The following COL11A2 variants were observed in gnomAD, a reference collection of about 807,000 sequenced individuals.
COL11A2 encodes collagen alpha-2(XI) chain.
COL11A2 carries 116 observed loss-of-function variants against 273.4 expected under a neutral mutation model. The ratio of observed to expected loss-of-function variants is 0.42; its 90% confidence interval spans 0.36 to 0.49. The LOEUF (loss-of-function observed/expected upper bound fraction) is 0.49, where lower values mean the gene tolerates loss of function less well. Ranked by LOEUF, COL11A2 falls within the 20% of genes least tolerant of loss-of-function variation. The pLI is 0.00. For synonymous variants in COL11A2, 782 were observed against 864.2 expected (o/e 0.90, Z 1.67); for missense variants, 1,866 against 2,309.0 (o/e 0.81, Z 3.93).
Position 33,169,846 on chromosome 6 carries a change from G to T in COL11A2, c.3675C>A (p.Gly1225=), listed in dbSNP as rs771644818. ...PGESGSPGIQ[G]EPGVKGPRGE... ...TGTCACTCACCTTGACACCTGGCTC[G>T]CCCTGGATCCCTGGAGATCCTGACT... The change falls in exon 50 of 66, where the codon GGC becomes GGA. Residue 1225 remains glycine, a synonymous_variant. Transcript: ENST00000341947. This position sits in a 1 kb window ranked among gnomAD's most constrained non-coding sequence, Gnocchi z 5.5. The T allele has an allele frequency of 3.7e-6, 6 of 1,613,954 alleles. No homozygotes were observed. The highest frequency in any genetic ancestry group is 5.1e-6 in the Non-Finnish European group (6 of 1,179,996).
chr6:33,172,691 C>G, intron 38 of COL11A2, 54 bp from the exon 39 acceptor site: 1 of 1,479,752 alleles, frequency 6.8e-7, no homozygotes, highest in Non-Finnish European at 9.4e-7. Context: ...TCGCTGTCTG[C>G]CAGAAGAGCC....
At position 33,176,294 on chromosome 6, in the gene COL11A2, C is replaced by T. The variant is rs768569721; in HGVS notation, c.2179G>A (p.Gly727Arg). 4 of 1,606,666 alleles carry T rather than the reference C, an allele frequency of 2.5e-6. No homozygotes were observed. Among genetic ancestry groups the T allele is most frequent in the Admixed American group, 3.4e-5 (2 of 58,966 alleles). Residue 727 changes from glycine (G) to arginine (R), a missense_variant, in exon 28 of 66, where the codon GGA becomes AGA. Gly to Arg is a moderately radical substitution (Grantham distance 125, BLOSUM62 -2). Coordinates refer to ENST00000341947, the MANE Select transcript of COL11A2 (RefSeq NM_080680.3). The surrounding 1 kb of genome is among the most constrained non-coding windows in gnomAD (Gnocchi z 4.9). Reference protein sequence around the residue: ...PGPRGVKGVDGIRGLKGHKGE... With the variant: ...PGPRGVKGVDRIRGLKGHKGE... ...TTATGACCCTTCAGACCCCGAATTC[C>T]GTCCACACCCTAGAATTAGAGAGGG...
chr6:33,191,030 T>C (rs115904806), intron 1 of COL11A2, among the ~76,000 whole-genome samples: 1 of 152,070 alleles, frequency 6.6e-6, no homozygotes, highest in Non-Finnish European at 1.5e-5. Context: ...TCTCTAACCT[T>C]AGGAATTCTA....
Position 33,167,001 on chromosome 6 carries a change from G to C in COL11A2, c.4230+69C>G, listed in dbSNP as rs1335756972. The C allele has an allele frequency of 1.1e-5, 18 of 1,600,308 alleles. No homozygotes were observed. Among genetic ancestry groups the C allele is most frequent in the Non-Finnish European group, 1.5e-5 (18 of 1,170,164 alleles). On this transcript the variant is annotated intron_variant, in intron 58 of 65. Transcript: ENST00000341947. This position sits in a 1 kb window ranked among gnomAD's most constrained non-coding sequence, Gnocchi z 6.1. The stretch of plus-strand genomic sequence containing the variant: ...GCCTGAAGCAGAGCAGTGGGCACTT[G>C]GGTCCCACAGGTTTCAGGGGCGAGG...
At chr6:33,175,217 G>A (rs1038178160) in intron 30 of COL11A2, among the ~76,000 whole-genome samples, 1 of 152,180 alleles carries the variant, frequency 6.6e-6, no homozygotes, top group Non-Finnish European at 1.5e-5. Flanking sequence ...CTGGCACAGG[G>A]CAAGTGCTGG....
At chr6:33,185,409 G>T (rs1040358634) in intron 6 of COL11A2, among the ~76,000 whole-genome samples, 1 of 152,052 alleles carries the variant, frequency 6.6e-6, no homozygotes, top group Admixed American at 6.5e-5. Flanking sequence ...GTTGGAGAGG[G>T]CCTCCGGCCT....
chr6:33,174,118 A>T, intron 32 of COL11A2, 47 bp downstream of exon 32: 2 of 1,608,160 alleles, frequency 1.2e-6, no homozygotes, highest in Non-Finnish European at 1.7e-6. Flanking sequence ...CCCCCTCTAC[A>T]CCTCTCCAGC....
At position 33,178,135 on chromosome 6, in the gene COL11A2, G is replaced by C. The variant is rs1771179784; in HGVS notation, c.1869C>G (p.Pro623=). The change falls in exon 21 of 66, where the codon CCC becomes CCG. Residue 623 remains proline, a synonymous_variant. Coordinates refer to ENST00000341947, the MANE Select transcript of COL11A2 (RefSeq NM_080680.3). This position sits in a 1 kb window ranked among gnomAD's most constrained non-coding sequence, Gnocchi z 4.6. The part of the protein sequence containing the change: ...GPKGPPGIPG[P]PGVRGMDGPQ... ...CAGAAGTCAGGGAGTCACTTACAGG[G>C]GGTCCAGGAATACCAGGTGGGCCTT... 3.1e-6 allele frequency: 5 copies of C among 1,609,056 alleles called. No individual in the cohort carries two copies. Among genetic ancestry groups the C allele is most frequent in the Non-Finnish European group, 3.4e-6 (4 of 1,177,526 alleles).
Position 33,192,362 on chromosome 6 carries a change from T to A in COL11A2, c.-122A>T, listed in dbSNP as rs1040744486. ...CTCAGACGCCGGGGTCCCAGGGAGG[T>A]CAGAGGCTGCGGGCAGCGACAGCTG... On this transcript the variant is annotated 5_prime_UTR_variant, in exon 1 of 66. Transcript: ENST00000341947. 3.0e-6 allele frequency: 3 copies of A among 996,162 alleles called. No individual in the cohort carries two copies. Among genetic ancestry groups the A allele is most frequent in the Non-Finnish European group, 4.6e-6 (3 of 656,040 alleles). 61.7% of individuals were successfully genotyped at this position (996,162 alleles called of 1,614,324 possible).
chr6:33,175,921 T>C (rs1770829997), intron 29 of COL11A2, 95 bp downstream of exon 29: 2 of 1,454,660 alleles, frequency 1.4e-6, no homozygotes, highest in South Asian at 2.3e-5. Flanking sequence ...AACTGTGGAG[T>C]CTGGAGACTC....
Position 33,189,618 on chromosome 6 carries a change from C to G in COL11A2, c.83-149G>C. On this transcript the variant is annotated intron_variant, in intron 1 of 65. Coordinates refer to ENST00000341947, the MANE Select transcript of COL11A2 (RefSeq NM_080680.3). This position sits in a 1 kb window ranked among gnomAD's most constrained non-coding sequence, Gnocchi z 5.6. ...ACCCTCACTTGCTTCTGAACAGTAC[C>G]TGAATGGATGGGAAATGCAAAGGTA... 1.9e-6 allele frequency: 2 copies of G among 1,049,782 alleles called. No homozygotes were observed. Among genetic ancestry groups the G allele is most frequent in the Non-Finnish European group, 2.8e-6 (2 of 724,538 alleles). 65.0% of individuals were successfully genotyped at this position (1,049,782 alleles called of 1,614,324 possible). A position where few individuals can be genotyped will look rare whatever the true frequency, so the allele number is the denominator to read the frequency against.
chr6:33,171,584 A>C lies in COL11A2; in HGVS notation c.3151-10T>G. 6.2e-7 allele frequency: 1 copy of C among 1,612,578 alleles called. No individual in the cohort carries two copies. The highest frequency in any genetic ancestry group is 1.6e-4 in the Middle Eastern group (1 of 6,062). On this transcript the variant is annotated splice_polypyrimidine_tract_variant and intron_variant, in intron 42 of 65. Coordinates refer to ENST00000341947, the MANE Select transcript of COL11A2 (RefSeq NM_080680.3). ...TGGGGCCCTTCTCACCCTGTGGGAC[A>C]GGAGGAAGGAGTCATGGCCTGGAGG...
In COL11A2 at chr6:33,189,935, T is replaced by C. The variant is rs890454822; in HGVS notation, c.83-466A>G. On this transcript the variant is annotated intron_variant, in intron 1 of 65. Coordinates refer to ENST00000341947, the MANE Select transcript of COL11A2 (RefSeq NM_080680.3). The surrounding 1 kb of genome is among the most constrained non-coding windows in gnomAD (Gnocchi z 5.6). Reference sequence around the variant, plus strand: ...CTCCCTCGCTCTCACTCTCTTTCCATATCTCTCACTCTCTGGGTCTCTGGC... The same window carrying C: ...CTCCCTCGCTCTCACTCTCTTTCCACATCTCTCACTCTCTGGGTCTCTGGC... Among the ~76,000 whole-genome samples the C allele has an allele frequency of 6.6e-6, 1 of 152,148 alleles. No homozygotes were observed. The highest frequency in any genetic ancestry group is 2.4e-5 in the African/African-American group (1 of 41,430).
rs140553708 is a variant in COL11A2 at position 33,164,960 on chromosome 6, C to A, written c.4755G>T (p.Glu1585Asp). 1 of 1,571,774 alleles carries A rather than the reference C, an allele frequency of 6.4e-7. No homozygotes were observed. Among genetic ancestry groups the A allele is most frequent in the Admixed American group, 1.8e-5 (1 of 54,158 alleles). The change falls in exon 64 of 66, where the codon GAG becomes GAT. Residue 1585 changes from glutamate (E) to aspartate (D), a missense_variant. Physicochemically the swap from Glu to Asp is conservative, Grantham distance 45. Coordinates refer to ENST00000341947, the MANE Select transcript of COL11A2 (RefSeq NM_080680.3). This position sits in a 1 kb window ranked among gnomAD's most constrained non-coding sequence, Gnocchi z 4.7. ...AGCCCTGGTTGGGGTCGACCCAGTA[C>A]TCTCCTGTTGGGTGAGGGAGAGGGG... ...KLCHPELPDG[E>D]YWVDPNQGCA...
rs1392304645 is a variant in COL11A2 at position 33,184,239 on chromosome 6, C to T, written c.1025G>A (p.Gly342Glu). 7.3e-7 allele frequency: 1 copy of T among 1,367,484 alleles called. No individual in the cohort carries two copies. Among genetic ancestry groups the T allele is most frequent in the African/African-American group, 1.5e-5 (1 of 67,684 alleles). The allele number at this position is 1,367,484 out of a possible 1,614,324, so 84.7% of individuals were successfully genotyped here. The change falls in exon 8 of 66, where the codon GGG (glycine) becomes GAG (glutamate). Residue 342 changes from glycine to glutamate, a missense_variant. By Grantham distance (98) the Gly-to-Glu change is moderately conservative. Coordinates refer to ENST00000341947, the MANE Select transcript of COL11A2 (RefSeq NM_080680.3). Reference protein sequence around the residue: ...YGEGGTDPPEGPYDYTYGYGD... With the variant: ...YGEGGTDPPEEPYDYTYGYGD... ...ATAGCCATAGGTGTAATCGTAGGGC[C>T]CTTCAGGGGGGTCTGTGCCACCCTC... is the stretch of plus-strand genomic sequence containing the variant.
rs568289414 is a variant in COL11A2 at position 33,164,749 on chromosome 6, G to C, written c.4863+103C>G. 33 of 1,009,362 alleles carry C rather than the reference G, an allele frequency of 3.3e-5. No individual in the cohort carries two copies. The highest frequency in any genetic ancestry group is 2.9e-4 in the Middle Eastern group (1 of 3,448). 62.5% of individuals were successfully genotyped at this position (1,009,362 alleles called of 1,614,324 possible). A position where few individuals can be genotyped will look rare whatever the true frequency, so the allele number is the denominator to read the frequency against. The stretch of plus-strand genomic sequence containing the variant: ...GTGGAGAAGGGGTGGCAGGCTCCGG[G>C]GGGGGCAACAGCCAGGGGACTGTCA... On this transcript the variant is annotated intron_variant, in intron 64 of 65. Coordinates refer to ENST00000341947, the MANE Select transcript of COL11A2 (RefSeq NM_080680.3). This position sits in a 1 kb window ranked among gnomAD's most constrained non-coding sequence, Gnocchi z 4.7.
Position 33,188,439 on chromosome 6 carries a change from G to A in COL11A2, c.529C>T (p.Arg177Ter), listed in dbSNP as rs764450149. The part of the protein sequence containing the change: ...CKKRVTRPLP[R>*]SARPVLDTHG... ...GTGTCCAATACTGGACGAGCACTTC[G>A]GGGGAGAGGCCGGGTGACTCGCTTC... Residue 177 changes from arginine to a stop codon, truncating the protein, a stop_gained, in exon 4 of 66, where the codon CGA becomes TGA. Transcript: ENST00000341947. LOFTEE classifies it high-confidence loss of function. 4.3e-6 allele frequency: 7 copies of A among 1,612,978 alleles called. No individual in the cohort carries two copies. The highest frequency in any genetic ancestry group is 2.2e-5 in the East Asian group (1 of 44,878).
chr6:33,168,212 C>T (rs1170578595), intron 54 of COL11A2, among the ~76,000 whole-genome samples: 1 of 152,112 alleles, frequency 6.6e-6, no homozygotes, highest in East Asian at 1.9e-4. Flanking sequence ...AAAACATACA[C>T]ACCAGAACCC....
rs1772897926 is a variant in COL11A2 at position 33,189,778 on chromosome 6, T to C, written c.83-309A>G. Among the ~76,000 whole-genome samples the C allele has an allele frequency of 6.6e-6, 1 of 152,210 alleles. No individual in the cohort carries two copies. The highest frequency in any genetic ancestry group is 2.4e-5 in the African/African-American group (1 of 41,446). ...TCTGTCTCTCTCTGTACTCTCTGAA[T>C]ACTTCTCTCAACTCTTCATCTGTCT... On this transcript the variant is annotated intron_variant, in intron 1 of 65. Coordinates refer to ENST00000341947, the MANE Select transcript of COL11A2 (RefSeq NM_080680.3). This position sits in a 1 kb window ranked among gnomAD's most constrained non-coding sequence, Gnocchi z 5.6.
Sources: allele counts gnomAD v4.1 joint callset (sites outside exome capture counted in the v4.1 genomes callset), GRCh38; gene constraint gnomAD v4.1.1; non-coding constraint Gnocchi (gnomAD v3.1); transcripts MANE v1.5; gene names NCBI Gene and HGNC (gene_info 2026-07-23, HGNC 2026-07-21).